SIN3A: variants seen among roughly 807,000 people sequenced by gnomAD.
The protein encoded by SIN3A is paired amphipathic helix protein Sin3a.
Under a neutral mutation model 146.1 loss-of-function variants are expected in SIN3A, and 14 were observed. That is an observed-to-expected ratio of 0.10 (90% CI 0.06 to 0.15). SIN3A has a LOEUF of 0.15. Ranked by LOEUF, SIN3A falls within the 10% of genes least tolerant of loss-of-function variation. The pLI, the probability that SIN3A is intolerant of heterozygous loss-of-function variation, is 1.00. For synonymous variants in SIN3A, 572 were observed against 572.0 expected (o/e 1.00, Z 0.00); for missense variants, 1,028 against 1,576.0 (o/e 0.65, Z 5.89).
intron 2 of SIN3A, 120 bp from the exon 3 acceptor site, chr15:75,422,943 G>T: frequency 1.0e-6 from 1 of 994,604 alleles, no homozygotes; most frequent in Non-Finnish European, 1.5e-6. Flanking sequence ...TTTCTGCTGG[G>T]CGTGATGGCT....
intron 3 of SIN3A, among the ~76,000 whole-genome samples, chr15:75,418,500 G>A (rs1375879282): frequency 6.7e-6 from 1 of 150,190 alleles, no homozygotes; most frequent in Non-Finnish European, 1.5e-5. Context: ...TCATTTTTTT[G>A]TATCTTCGGT....
At chr15:75,424,252 T>C (rs565474688) in intron 2 of SIN3A, among the ~76,000 whole-genome samples, 1 of 151,832 alleles carries the variant, frequency 6.6e-6, no homozygotes, top group East Asian at 1.9e-4. Flanking sequence ...CTGACCAACA[T>C]GGAGAAACCC....
In SIN3A at chr15:75,387,785, A is replaced by C. The variant is rs553567134; in HGVS notation, c.3021+1867T>G. ...AGCCTGTAATCAGCAACATAAGCACAGGGTAACTGGAGTCTGTATTTTATA... is the reference window on the plus strand; with the variant it reads ...AGCCTGTAATCAGCAACATAAGCACCGGGTAACTGGAGTCTGTATTTTATA... On this transcript the variant is annotated intron_variant, in intron 16 of 20. Coordinates refer to ENST00000394947, the MANE Select transcript of SIN3A (RefSeq NM_001145358.2). Among the ~76,000 whole-genome samples, 6 of 152,310 alleles carry C rather than the reference A, an allele frequency of 3.9e-5. No homozygotes were observed. The East Asian group carries it at 1.2e-3, about 29-fold the overall frequency.
rs996956908 is a variant in SIN3A at position 75,414,415 on chromosome 15, A to T, written c.367-104T>A. Reference sequence around the variant, plus strand: ...TATGCCTAAGTATGCTTAATGCAGTAAATGAAGTAAAAATATATTAAATAT... The same window carrying T: ...TATGCCTAAGTATGCTTAATGCAGTTAATGAAGTAAAAATATATTAAATAT... On this transcript the variant is annotated intron_variant, in intron 3 of 20. Coordinates refer to ENST00000394947, the MANE Select transcript of SIN3A (RefSeq NM_001145358.2). 11 of 455,680 alleles carry T rather than the reference A, an allele frequency of 2.4e-5. No homozygotes were observed. The South Asian group carries it at 9.3e-4, about 38-fold the overall frequency. 28.2% of individuals were successfully genotyped at this position (455,680 alleles called of 1,614,324 possible).
chr15:75,378,963 C>T (rs1271734094), intron 19 of SIN3A, among the ~76,000 whole-genome samples: 3 of 151,348 alleles, frequency 2.0e-5, no homozygotes, highest in Admixed American at 6.6e-5. Flanking sequence ...TGCCGTGGTG[C>T]GATCTCCACT....
At position 75,384,758 on chromosome 15, in the gene SIN3A, A is replaced by G. The variant is rs182050066; in HGVS notation, c.3022-321T>C. Among the ~76,000 whole-genome samples the G allele has an allele frequency of 4.3e-3, 653 of 152,280 alleles. 5 individuals carry two copies. Among genetic ancestry groups the G allele is most frequent in the African/African-American group, 0.014 (592 of 41,544 alleles). ...ATCTTTAAATAATTTTCTATAGGTC[A>G]TATCTTTATTGCATTTTAAAATCAT... On this transcript the variant is annotated intron_variant, in intron 16 of 20. Transcript: ENST00000394947.
intron 1 of SIN3A, among the ~76,000 whole-genome samples, chr15:75,438,022 A>G (rs1280874799): frequency 6.6e-6 from 1 of 151,946 alleles, no homozygotes; most frequent in Non-Finnish European, 1.5e-5. Flanking sequence ...CCAAATACAC[A>G]CACACAAAAA....
At chr15:75,380,237 G>A (rs1395210160) in intron 19 of SIN3A, among the ~76,000 whole-genome samples, 24 of 152,206 alleles carry the variant, frequency 1.6e-4, no homozygotes, top group Admixed American at 1.6e-3. Flanking sequence ...AGGATTCTAG[G>A]AAGCTTGAGC....
At chr15:75,406,144 G>A (rs1213632818) in intron 9 of SIN3A, among the ~76,000 whole-genome samples, 2 of 152,192 alleles carry the variant, frequency 1.3e-5, no homozygotes, top group Non-Finnish European at 2.9e-5. Context: ...TCCTACCAGT[G>A]AGAAGCCCAA....
intron 18 of SIN3A, 67 bp from the exon 19 acceptor site, chr15:75,380,790 C>T (rs1177748040): frequency 4.7e-6 from 5 of 1,070,574 alleles, no homozygotes; most frequent in African/African-American, 1.6e-5. Flanking sequence ...GCATTGGGCA[C>T]TCTAGTAAAT....
chr15:75,396,877 A>T (rs1291992621), intron 12 of SIN3A, among the ~76,000 whole-genome samples: 2 of 152,188 alleles, frequency 1.3e-5, no homozygotes, highest in African/African-American at 4.8e-5. Context: ...CTTTACTGAA[A>T]CGTTTCCCTG....
chr15:75,383,036 G>C (rs1255920303), intron 17 of SIN3A, among the ~76,000 whole-genome samples: 2 of 151,672 alleles, frequency 1.3e-5, no homozygotes, highest in Non-Finnish European at 2.9e-5. Context: ...GCAGTGAGCT[G>C]AAATAGCACC....
In SIN3A at chr15:75,394,876, G is replaced by C. The variant is rs770280376; in HGVS notation, c.2094-13C>G. ...TTTCATCTTCAACCTAGTGAAGCGG[G>C]AAGGGATGGAAACAACACATGGGAA... On this transcript the variant is annotated splice_polypyrimidine_tract_variant and intron_variant, in intron 13 of 20. Transcript: ENST00000394947. 2 of 1,608,892 alleles carry C rather than the reference G, an allele frequency of 1.2e-6. No homozygotes were observed. Among genetic ancestry groups the C allele is most frequent in the Non-Finnish European group, 1.7e-6 (2 of 1,177,390 alleles).
At chr15:75,403,137 T>C (rs2073442525) in intron 9 of SIN3A, among the ~76,000 whole-genome samples, 1 of 151,828 alleles carries the variant, frequency 6.6e-6, no homozygotes, top group Admixed American at 6.6e-5. Context: ...GTTCAAAATT[T>C]TCCAGCTGGG....
intron 15 of SIN3A, among the ~76,000 whole-genome samples, chr15:75,392,031 C>G (rs1461764625): frequency 2.0e-5 from 3 of 152,206 alleles, no homozygotes; most frequent in African/African-American, 7.2e-5. Flanking sequence ...GACCAAGTGT[C>G]CATGATCTAA....
chr15:75,426,709 C>A (rs1486359455), intron 2 of SIN3A, among the ~76,000 whole-genome samples: 1 of 152,148 alleles, frequency 6.6e-6, no homozygotes, highest in African/African-American at 2.4e-5. Context: ...TCGGGCAGAT[C>A]ACTTGAGTCC....
chr15:75,394,749 A>G lies in SIN3A; in HGVS notation c.2208T>C (p.Phe736=). Residue 736 remains phenylalanine (F), a synonymous_variant, in exon 14 of 21, where the codon TTT becomes TTC. Transcript: ENST00000394947. ...TCAGGACCTTGGTGTCATTCTGTTT[A>G]AAGTTGATCCCCTGGTGGTCCAGAG... ...LKSLDHQGIN[F]KQNDTKVLRS... 7 of 1,614,152 alleles carry G rather than the reference A, an allele frequency of 4.3e-6. No homozygotes were observed. The highest frequency in any genetic ancestry group is 2.2e-5 in the East Asian group (1 of 44,878).
intron 1 of SIN3A, 57 bp from the exon 2 acceptor site, chr15:75,430,465 G>T: frequency 1.5e-6 from 2 of 1,330,562 alleles, no homozygotes; most frequent in Non-Finnish European, 2.0e-6. Flanking sequence ...TATGATGTAC[G>T]CCACTTAGGA....
chr15:75,374,291 C>T (rs1166717907), intron 20 of SIN3A, among the ~76,000 whole-genome samples: 1 of 152,120 alleles, frequency 6.6e-6, no homozygotes, highest in African/African-American at 2.4e-5. Flanking sequence ...AGGTCAGGTT[C>T]GAGACCAGCC....
Sources: gnomAD v4.1 joint callset for allele counts (sites outside exome capture counted in the v4.1 genomes callset) on GRCh38, gnomAD v4.1.1 for gene constraint, MANE v1.5 for transcripts, NCBI Gene and HGNC (gene_info 2026-07-23, HGNC 2026-07-21) for gene names.